The following RERE variants were observed in gnomAD, a reference collection of about 807,000 sequenced individuals.
RERE encodes the protein arginine-glutamic acid dipeptide repeats.
RERE carries 40 observed loss-of-function variants against 146.1 expected under a neutral mutation model. The observed-to-expected ratio is 0.27, with a 90% CI of 0.21 to 0.36. The LOEUF (loss-of-function observed/expected upper bound fraction) is 0.36, where lower values mean the gene tolerates loss of function less well. Among genes scored for constraint, RERE ranks in the 10% least tolerant of loss-of-function variants. The pLI, the probability that RERE is intolerant of heterozygous loss-of-function variation, is 1.00. For missense variants in RERE, 1,933 were observed against 2,138.7 expected (o/e 0.90, Z 1.90); for synonymous variants, 1,003 against 866.0 (o/e 1.16, Z -2.78).
intron 4 of RERE, among the ~76,000 whole-genome samples, chr1:8,563,225 GTC>G (rs1646099588): frequency 6.6e-6 from 1 of 152,284 alleles, no homozygotes; most frequent in East Asian, 1.9e-4. Context: ...AATAGCCTGA[GTC>G]TTTCCTAGAA....
In RERE at chr1:8,365,826, G is replaced by T. The variant is rs142504890; in HGVS notation, c.1433C>A (p.Pro478Gln). ...CCCCTACTCACAGAATTCACTGGACGGGGGTCTGGAGGGTGTGTTGACGGG... is the reference window on the plus strand; with the variant it reads ...CCCCTACTCACAGAATTCACTGGACTGGGGTCTGGAGGGTGTGTTGACGGG... The part of the protein sequence containing the change: ...STPVNTPSRP[P>Q]SSEFLDLSSA... The change falls in exon 13 of 23, where the codon CCG becomes CAG. Residue 478 changes from proline to glutamine, a missense_variant. Physicochemically the swap from Pro to Gln is moderately conservative, Grantham distance 76. Coordinates refer to ENST00000400908, the MANE Select transcript of RERE (RefSeq NM_001042681.2). 1 of 1,614,138 alleles carries T rather than the reference G, an allele frequency of 6.2e-7. No individual in the cohort carries two copies. The highest frequency in any genetic ancestry group is 1.1e-5 in the South Asian group (1 of 91,080).
intron 2 of RERE, among the ~76,000 whole-genome samples, chr1:8,632,828 G>T (rs1011090410): frequency 1.3e-5 from 2 of 152,104 alleles, no homozygotes; most frequent in Admixed American, 1.3e-4. Flanking sequence ...TTTCTAGAAA[G>T]TTAGGACTTA....
chr1:8,457,490 C>G (rs112992366), intron 11 of RERE, among the ~76,000 whole-genome samples: 184 of 152,328 alleles, frequency 1.2e-3, no homozygotes, highest in African/African-American at 4.3e-3. Flanking sequence ...TAACAAAACA[C>G]TACTAGAGAA....
At chr1:8,668,156 T>C (rs1471864667) in intron 1 of RERE, among the ~76,000 whole-genome samples, 2 of 152,274 alleles carry the variant, frequency 1.3e-5, no homozygotes, top group African/African-American at 2.4e-5. Flanking sequence ...TTCACTAATA[T>C]GCAATCCATA....
intron 12 of RERE, among the ~76,000 whole-genome samples, chr1:8,414,517 C>T (rs1348205381): frequency 6.6e-6 from 1 of 151,526 alleles, no homozygotes; most frequent in South Asian, 2.1e-4. Context: ...GATCGCGCCA[C>T]TGCACTCCAG....
intron 4 of RERE, among the ~76,000 whole-genome samples, chr1:8,574,081 T>C (rs954924921): frequency 6.6e-6 from 1 of 152,086 alleles, no homozygotes; most frequent in Non-Finnish European, 1.5e-5. Flanking sequence ...GCTGGGATTA[T>C]AGACATGAGC....
At chr1:8,500,875 T>G (rs367624311) in intron 8 of RERE, among the ~76,000 whole-genome samples, 4 of 147,900 alleles carry the variant, frequency 2.7e-5, no homozygotes, top group Non-Finnish European at 4.5e-5. Context: ...CTGTCTGGGA[T>G]GTGAGGAGCG....
intron 10 of RERE, among the ~76,000 whole-genome samples, chr1:8,492,441 A>AT (rs1258063286): frequency 5.3e-5 from 8 of 152,154 alleles, no homozygotes; most frequent in African/African-American, 9.7e-5. Flanking sequence ...TGAAAGCAGG[A>AT]TTTTTTTCAC....
chr1:8,447,124 T>G (rs1644332515), intron 11 of RERE, among the ~76,000 whole-genome samples: 1 of 147,952 alleles, frequency 6.8e-6, no homozygotes, highest in Non-Finnish European at 1.5e-5. Flanking sequence ...TCTCCTGCTG[T>G]TTTTTTTTTC....
chr1:8,501,010 C>T lies in RERE; in HGVS notation c.880-3481G>A, dbSNP rs1329629644. Among the ~76,000 whole-genome samples, 641 of 140,924 alleles carry T rather than the reference C, an allele frequency of 4.5e-3. 4 individuals are homozygous for T. The highest frequency in any genetic ancestry group is 8.3e-3 in the Non-Finnish European group (530 of 63,682). The allele number at this position is 140,924 out of a possible 152,430, so 92.5% of individuals were successfully genotyped here. A position where few individuals can be genotyped will look rare whatever the true frequency, so the allele number is the denominator to read the frequency against. ...TCTGGGAAGTGAGGAGCGTCTCCGC[C>T]CGGCAGCCACCCCGTCCGGGAGGGG... On this transcript the variant is annotated intron_variant, in intron 8 of 22. Transcript: ENST00000400908.
chr1:8,655,998 T>C lies in RERE; in HGVS notation c.300A>G (p.Glu100=), dbSNP rs1638276578. 6.2e-7 allele frequency: 1 copy of C among 1,613,298 alleles called. No individual in the cohort carries two copies. Among genetic ancestry groups the C allele is most frequent in the Non-Finnish European group, 8.5e-7 (1 of 1,179,406 alleles). The change falls in exon 2 of 23, where the codon GAA becomes GAG. Residue 100 remains glutamate (E), a synonymous_variant. Transcript: ENST00000400908. ...CTCCTGGTCTGTAGACCACATCATCTTCAGTGATGTAGGATGTTATCTCAC... is the reference window on the plus strand; with the variant it reads ...CTCCTGGTCTGTAGACCACATCATCCTCAGTGATGTAGGATGTTATCTCAC... ...DTGEITSYIT[E]DDVVYRPGDC...
At chr1:8,674,609 T>C (rs17032733) in intron 1 of RERE, among the ~76,000 whole-genome samples, 3,304 of 152,264 alleles carry the variant, frequency 0.022, 126 homozygotes, top group African/African-American at 0.076. Flanking sequence ...TAGTGTAAAA[T>C]AAAGACAGTA....
At position 8,360,714 on chromosome 1, in the gene RERE, C is replaced by T. The variant is rs764179485; in HGVS notation, c.2793G>A (p.Pro931=). ...GCAGCTGGGGGATGGGAGTGGTAGG[C>T]GGGGGCTTGATGTGGGGCATGGCCA... ...APLAMPHIKP[P]PTTPIPQLPA... is the part of the protein sequence containing the mutation. Residue 931 remains proline, a synonymous_variant, in exon 18 of 23, where the codon CCG becomes CCA. Transcript: ENST00000400908. 126 of 1,566,400 alleles carry T rather than the reference C, an allele frequency of 8.0e-5. No individual in the cohort carries two copies. The highest frequency in any genetic ancestry group is 1.0e-4 in the Non-Finnish European group (121 of 1,158,846).
intron 1 of RERE, among the ~76,000 whole-genome samples, chr1:8,767,987 A>T (rs1640879887): frequency 6.6e-6 from 1 of 152,088 alleles, no homozygotes; most frequent in South Asian, 2.1e-4. Context: ...TAATAATAAA[A>T]TAAAATAAAA....
At chr1:8,451,289 G>T (rs1439717308) in intron 11 of RERE, among the ~76,000 whole-genome samples, 1 of 152,102 alleles carries the variant, frequency 6.6e-6, no homozygotes, top group East Asian at 1.9e-4. Context: ...AAATTAGCTG[G>T]GGTGTGGTGG....
At chr1:8,801,421 C>A (rs1206625526) in intron 1 of RERE, among the ~76,000 whole-genome samples, 1 of 152,098 alleles carries the variant, frequency 6.6e-6, no homozygotes. Flanking sequence ...AGGCATGTGC[C>A]ACCACGTCAG....
intron 1 of RERE, among the ~76,000 whole-genome samples, chr1:8,803,179 AAAG>A (rs916451490): frequency 1.3e-5 from 2 of 152,196 alleles, no homozygotes; most frequent in Admixed American, 6.5e-5. Context: ...TGAGCTGTGA[AAAG>A]AAGTCACTGT....
Position 8,423,744 on chromosome 1 carries a change from G to A in RERE, c.1204-937C>T, listed in dbSNP as rs1405577298. ...GGGGCCGCGCGGCGCGGGGCCCGGG[G>A]GGCGCGGGGCTGGGGCCGCCGCTGA... On this transcript the variant is annotated intron_variant, in intron 11 of 22. Transcript: ENST00000400908. The surrounding 1 kb of genome is among the most constrained non-coding windows in gnomAD (Gnocchi z 5.4). The A allele has an allele frequency of 3.1e-6, 3 of 962,148 alleles. No individual in the cohort carries two copies. Among genetic ancestry groups the A allele is most frequent in the South Asian group, 4.8e-5 (1 of 20,994 alleles). The allele number at this position is 962,148 out of a possible 1,614,324, so 59.6% of individuals were successfully genotyped here.
intron 6 of RERE, among the ~76,000 whole-genome samples, chr1:8,550,195 G>A (rs961368824): frequency 1.3e-5 from 2 of 152,120 alleles, no homozygotes; most frequent in Non-Finnish European, 2.9e-5. Context: ...CCAAATAAAA[G>A]AAAGTTTTTC....
Sources: allele counts gnomAD v4.1 joint callset (sites outside exome capture counted in the v4.1 genomes callset), GRCh38; gene constraint gnomAD v4.1.1; non-coding constraint Gnocchi (gnomAD v3.1); transcripts MANE v1.5; gene names NCBI Gene and HGNC (gene_info 2026-07-23, HGNC 2026-07-21).